APOBEC3F: variants seen among roughly 807,000 people sequenced by gnomAD.
APOBEC3F encodes apolipoprotein B mRNA editing enzyme catalytic subunit 3F.
APOBEC3F carries 34 observed loss-of-function variants against 45.8 expected under a neutral mutation model. The observed-to-expected ratio is 0.74, with a 90% CI of 0.57 to 0.99. The LOEUF is 0.99. Among genes scored for constraint, APOBEC3F ranks in the 50% least tolerant of loss-of-function variants. The pLI, the probability that APOBEC3F is intolerant of heterozygous loss-of-function variation, is 0.00. For synonymous variants in APOBEC3F, 192 were observed against 174.4 expected (o/e 1.10, Z -0.80); for missense variants, 459 against 474.1 (o/e 0.97, Z 0.30).
chr22:39,045,597 T>A (rs1479636274), intron 4 of APOBEC3F, 55 bp downstream of exon 4: 24 of 1,610,738 alleles, frequency 1.5e-5, no homozygotes, highest in Non-Finnish European at 1.9e-5. Context: ...CTGCTCATCC[T>A]CCTGAGGCCT....
At chr22:39,051,200 GC>G (rs1927466090) in intron 5 of APOBEC3F, among the ~76,000 whole-genome samples, 1 of 151,384 alleles carries the variant, frequency 6.6e-6, no homozygotes, top group Non-Finnish European at 1.5e-5. Context: ...TCTTGCCACT[GC>G]CCCCCAGCCT....
chr22:39,045,184 C>T lies in APOBEC3F; in HGVS notation c.415C>T (p.Gln139Ter). Residue 139 changes from glutamine to a stop codon, truncating the protein, a stop_gained, in exon 3 of 7, where the codon CAG becomes TAG. Transcript: ENST00000308521. LOFTEE classifies it high-confidence loss of function. ...CCGAAGGGCGCTCTGCAGGCTGAGT[C>T]AGGCAGGGGCCCGCGTGAAGATTAT... The part of the protein sequence containing the change: ...DYRRALCRLS[Q>*]AGARVKIMDD... The T allele has an allele frequency of 6.2e-7, 1 of 1,614,152 alleles. No homozygotes were observed. Among genetic ancestry groups the T allele is most frequent in the Non-Finnish European group, 8.5e-7 (1 of 1,180,022 alleles).
chr22:39,049,964 A>G (rs1927405610), intron 5 of APOBEC3F, among the ~76,000 whole-genome samples: 1 of 147,706 alleles, frequency 6.8e-6, no homozygotes, highest in East Asian at 2.0e-4. Flanking sequence ...CGGCCTCCCA[A>G]AGTGCTAGGA....
intron 1 of APOBEC3F, among the ~76,000 whole-genome samples, chr22:39,042,031 G>T (rs1926929124): frequency 1.3e-5 from 2 of 152,190 alleles, no homozygotes; most frequent in Admixed American, 6.5e-5. Context: ...TCTGGTAAGA[G>T]GCCCCAGCCC....
rs758925381 is a variant in APOBEC3F at position 39,040,960 on chromosome 22, G to A, written c.-1G>A. ...TCTTAGTCGGGACTAGCCGGCCAAG[G>A]ATGAAGCCTCACTTCAGGTACCGCT... On this transcript the variant is annotated 5_prime_UTR_variant, in exon 1 of 7. Coordinates refer to ENST00000308521, the MANE Select transcript of APOBEC3F (RefSeq NM_145298.6). 1.3e-6 allele frequency: 2 copies of A among 1,581,696 alleles called. No individual in the cohort carries two copies. The highest frequency in any genetic ancestry group is 2.3e-5 in the South Asian group (2 of 86,604).
At position 39,045,022 on chromosome 22, in the gene APOBEC3F, T is replaced by A; in HGVS notation, c.253T>A (p.Phe85Ile). Residue 85 changes from phenylalanine (F) to isoleucine (I), a missense_variant, in exon 3 of 7, where the codon TTC (phenylalanine) becomes ATC (isoleucine). Phe to Ile is a conservative substitution (Grantham distance 21). Coordinates refer to ENST00000308521, the MANE Select transcript of APOBEC3F (RefSeq NM_145298.6). ...CAACCAGCTGCCTGCTTACAAGTGT[T>A]TCCAGATCACCTGGTTTGTATCCTG... ...CGNQLPAYKC[F>I]QITWFVSWTP... is the part of the protein sequence containing the mutation. 6.2e-7 allele frequency: 1 copy of A among 1,614,038 alleles called. No homozygotes were observed. Among genetic ancestry groups the A allele is most frequent in the South Asian group, 1.1e-5 (1 of 91,060 alleles).
At chr22:39,044,904 C>A (rs767013641) in intron 2 of APOBEC3F, 37 bp from the exon 3 acceptor site, 18 of 1,586,502 alleles carry the variant, frequency 1.1e-5, no homozygotes, top group Non-Finnish European at 1.2e-5. Flanking sequence ...CCTGCTCCCC[C>A]TCTCAGAGCA....
At chr22:39,047,132 G>C (rs1029519557) in intron 4 of APOBEC3F, among the ~76,000 whole-genome samples, 1 of 152,048 alleles carries the variant, frequency 6.6e-6, no homozygotes, top group African/African-American at 2.4e-5. Context: ...GTGGGGGCAC[G>C]CATGGCATCC....
chr22:39,046,925 A>T (rs1292130247), intron 4 of APOBEC3F, among the ~76,000 whole-genome samples: 1 of 152,174 alleles, frequency 6.6e-6, no homozygotes, highest in African/African-American at 2.4e-5. Flanking sequence ...GCAACCAGAG[A>T]CCAGAGAGGC....
intron 5 of APOBEC3F, 68 bp from the exon 6 acceptor site, chr22:39,052,006 C>T (rs1207020798): frequency 5.1e-6 from 8 of 1,584,088 alleles, no homozygotes; most frequent in African/African-American, 2.7e-5. Context: ...CTGCTCCCAT[C>T]GCCCCACCCC....
At chr22:39,048,325 C>A (rs1488309449) in intron 4 of APOBEC3F, among the ~76,000 whole-genome samples, 1 of 152,080 alleles carries the variant, frequency 6.6e-6, no homozygotes, top group Non-Finnish European at 1.5e-5. Context: ...TAGTGATGGC[C>A]CCCTGCAGGC....
intron 5 of APOBEC3F, 42 bp downstream of exon 5, chr22:39,049,623 C>T: frequency 6.2e-7 from 1 of 1,605,548 alleles, no homozygotes; most frequent in South Asian, 1.1e-5. Flanking sequence ...AGGAGCTAAG[C>T]AGCTAGGAAT....
At position 39,054,884 on chromosome 22, in the gene APOBEC3F, A is replaced by G. The variant is rs921093009; in HGVS notation, c.*2189A>G. ...CCCTGGGCCAGGTGCCCACATGAAT[A>G]ATGCGGGCCACAGGCAGGCATTTAT... is the stretch of plus-strand genomic sequence containing the variant. On this transcript the variant is annotated 3_prime_UTR_variant, in exon 7 of 7. Coordinates refer to ENST00000308521, the MANE Select transcript of APOBEC3F (RefSeq NM_145298.6). Among the ~76,000 whole-genome samples, 1 of 152,102 alleles carries G rather than the reference A, an allele frequency of 6.6e-6. No homozygotes were observed. Among genetic ancestry groups the G allele is most frequent in the Non-Finnish European group, 1.5e-5 (1 of 68,012 alleles).
At chr22:39,049,675 T>C in intron 5 of APOBEC3F, 94 bp downstream of exon 5, 2 of 1,422,554 alleles carry the variant, frequency 1.4e-6, no homozygotes, top group Non-Finnish European at 1.9e-6. Flanking sequence ...TGGGCTTTCC[T>C]GTGTGTACTT....
chr22:39,047,691 A>G (rs35534375), intron 4 of APOBEC3F, among the ~76,000 whole-genome samples: 6 of 150,656 alleles, frequency 4.0e-5, no homozygotes, highest in Non-Finnish European at 3.0e-5. Context: ...GCCCCTTTAC[A>G]GCTTCTGAAT....
intron 6 of APOBEC3F, 57 bp downstream of exon 6, chr22:39,052,410 G>T (rs1927538279): frequency 2.5e-6 from 4 of 1,601,540 alleles, no homozygotes; most frequent in African/African-American, 2.7e-5. Flanking sequence ...TGAGGGGCAG[G>T]TGTGTCTGCA....
In APOBEC3F at chr22:39,051,256, C is replaced by T. The variant is rs781702156; in HGVS notation, c.724-818C>T. Among the ~76,000 whole-genome samples the T allele has an allele frequency of 5.4e-5, 8 of 147,054 alleles. No individual in the cohort carries two copies. In the South Asian group the frequency reaches 1.1e-3, roughly 20 times the overall value. On this transcript the variant is annotated intron_variant, in intron 5 of 6. Transcript: ENST00000308521. ...TGTCACTCAAAAAGATAAAGAGGAA[C>T]GGCCAGGTGCAGTGGTTCACGCCTG...
chr22:39,043,258 G>A lies in APOBEC3F; in HGVS notation c.171+168G>A, dbSNP rs559131692. ...CTTCCTGCTGGACCGTCCTGGGATC[G>A]GATCGTGGAGGGGGTTTGCCTTTGC... On this transcript the variant is annotated intron_variant, in intron 2 of 6. Transcript: ENST00000308521. Among the ~76,000 whole-genome samples, 3 of 151,690 alleles carry A rather than the reference G, an allele frequency of 2.0e-5. No homozygotes were observed. The East Asian group carries it at 5.8e-4, about 29-fold the overall frequency.
intron 5 of APOBEC3F, among the ~76,000 whole-genome samples, chr22:39,051,406 G>C (rs1315993861): frequency 6.6e-6 from 1 of 151,038 alleles, no homozygotes; most frequent in Non-Finnish European, 1.5e-5. Flanking sequence ...GCGTGGTGGC[G>C]GGCGCCTGTA....
Sources: gnomAD v4.1 joint callset for allele counts (sites outside exome capture counted in the v4.1 genomes callset) on GRCh38, gnomAD v4.1.1 for gene constraint, MANE v1.5 for transcripts, NCBI Gene and HGNC (gene_info 2026-07-23, HGNC 2026-07-21) for gene names.